Variants in TVP23B observed in about 807,000 individuals in gnomAD.
TVP23B encodes the protein Golgi apparatus membrane protein TVP23 homolog B.
TVP23B carries 10 observed loss-of-function variants against 30.6 expected under a neutral mutation model. The ratio of observed to expected loss-of-function variants is 0.33; its 90% CI spans 0.20 to 0.55. TVP23B has a LOEUF of 0.55. Among genes scored for constraint, TVP23B ranks in the 20% least tolerant of loss-of-function variants. The probability of loss-of-function intolerance (pLI) is 0.91; values close to 1 mark genes in which losing one functional copy is unlikely to be tolerated. For synonymous variants in TVP23B, 67 were observed against 83.1 expected (o/e 0.81, Z 1.06); for missense variants, 153 against 243.2 (o/e 0.63, Z 2.47).
intron 3 of TVP23B, among the ~76,000 whole-genome samples, 191 bp downstream of exon 3, chr17:18,791,231 A>G (rs1211333023): frequency 1.9e-4 from 25 of 132,462 alleles, no homozygotes; most frequent in African/African-American, 6.4e-4. Flanking sequence ...CCCTTTGACA[A>G]TACAAGATGA....
intron 3 of TVP23B, among the ~76,000 whole-genome samples, chr17:18,795,179 A>G (rs887823831): frequency 4.0e-5 from 6 of 151,638 alleles, no homozygotes; most frequent in Non-Finnish European, 7.4e-5. Flanking sequence ...GGCATGCACC[A>G]CCATGCCTAG....
chr17:18,782,814 G>C (rs1345533554), intron 1 of TVP23B, among the ~76,000 whole-genome samples: 2 of 151,852 alleles, frequency 1.3e-5, no homozygotes, highest in African/African-American at 4.8e-5. Flanking sequence ...TGGCCATCTT[G>C]GTCTTGGTGG....
intron 5 of TVP23B, among the ~76,000 whole-genome samples, chr17:18,802,064 T>A (rs183157247): frequency 2.4e-4 from 37 of 151,526 alleles, no homozygotes; most frequent in African/African-American, 8.8e-4. Flanking sequence ...CTACTAAAAA[T>A]ACAAAAAATT....
Position 18,798,805 on chromosome 17 carries a change from T to C in TVP23B, c.331-7T>C, listed in dbSNP as rs1243842906. On this transcript the variant is annotated splice_region_variant and splice_polypyrimidine_tract_variant and intron_variant, in intron 4 of 6. Transcript: ENST00000307767. ...AACATGATAATTGAATTTATGTTCTTTTATAGGAGTCCTCTCAAGAGAATA... is the reference window on the plus strand; with the variant it reads ...AACATGATAATTGAATTTATGTTCTCTTATAGGAGTCCTCTCAAGAGAATA... 6.3e-7 allele frequency: 1 copy of C among 1,598,986 alleles called. No homozygotes were observed. Among genetic ancestry groups the C allele is most frequent in the Non-Finnish European group, 8.5e-7 (1 of 1,175,884 alleles).
chr17:18,799,827 C>T (rs2036130440), intron 5 of TVP23B, among the ~76,000 whole-genome samples: 1 of 151,802 alleles, frequency 6.6e-6, no homozygotes, highest in Non-Finnish European at 1.5e-5. Context: ...TGTTTTTCCT[C>T]CTAATTTGTA....
chr17:18,802,341 C>T (rs1446701218), intron 5 of TVP23B, among the ~76,000 whole-genome samples: 8 of 152,238 alleles, frequency 5.3e-5, no homozygotes, highest in Non-Finnish European at 1.0e-4. Context: ...ATGATCATCT[C>T]TCATGATTAA....
chr17:18,785,869 G>A (rs1291442204), intron 1 of TVP23B, among the ~76,000 whole-genome samples: 1 of 152,088 alleles, frequency 6.6e-6, no homozygotes, highest in Non-Finnish European at 1.5e-5. Context: ...CAGGAGCTTA[G>A]GTACTGTATA....
At chr17:18,798,343 C>A (rs1167397426) in intron 4 of TVP23B, among the ~76,000 whole-genome samples, 1 of 151,868 alleles carries the variant, frequency 6.6e-6, no homozygotes, top group South Asian at 2.1e-4. Context: ...CAACTTACCA[C>A]CCTTGTAACT....
At chr17:18,802,657 A>T (rs1032014964) in intron 5 of TVP23B, among the ~76,000 whole-genome samples, 2 of 152,170 alleles carry the variant, frequency 1.3e-5, no homozygotes, top group Admixed American at 6.6e-5. Context: ...TTGTGTTTTT[A>T]AAAATGCTGT....
chr17:18,783,601 G>A (rs998278290), intron 1 of TVP23B, among the ~76,000 whole-genome samples: 203 of 152,158 alleles, frequency 1.3e-3, no homozygotes, highest in Non-Finnish European at 1.1e-3. Flanking sequence ...AATGGAAGCC[G>A]TCGGAAGACA....
At chr17:18,783,619 C>T (rs1195051445) in intron 1 of TVP23B, among the ~76,000 whole-genome samples, 1 of 152,310 alleles carries the variant, frequency 6.6e-6, no homozygotes, top group Middle Eastern at 3.4e-3. Flanking sequence ...ACAATTTTCA[C>T]ACTAGCTGCC....
At chr17:18,800,637 T>C in intron 5 of TVP23B, among the ~76,000 whole-genome samples, 1 of 152,104 alleles carries the variant, frequency 6.6e-6, no homozygotes, top group South Asian at 2.1e-4. Flanking sequence ...TAAGGTGTTT[T>C]TTTTTTTAGT....
At chr17:18,785,385 C>CTT (rs61537943) in intron 1 of TVP23B, among the ~76,000 whole-genome samples, 59,985 of 137,494 alleles carry the variant, frequency 0.44, 12,288 homozygotes, top group Non-Finnish European at 0.47. Flanking sequence ...AGCTATTTGT[C>CTT]TTTTTTTTTT....
chr17:18,790,533 AT>A (rs2035976641), intron 2 of TVP23B, among the ~76,000 whole-genome samples: 1 of 151,702 alleles, frequency 6.6e-6, no homozygotes, highest in Admixed American at 6.6e-5. Flanking sequence ...TGTCTGAGTG[AT>A]TTCTGAGGGC....
chr17:18,797,436 T>C, intron 3 of TVP23B, 143 bp from the exon 4 acceptor site: 1 of 1,447,220 alleles, frequency 6.9e-7, no homozygotes, highest in East Asian at 2.3e-5. Flanking sequence ...CCAGGCCTGA[T>C]ACATAGTAGT....
In TVP23B at chr17:18,790,903, G is replaced by A. The variant is rs767742179; in HGVS notation, c.103G>A (p.Val35Ile). The A allele has an allele frequency of 9.9e-6, 16 of 1,610,440 alleles. No individual in the cohort carries two copies. The highest frequency in any genetic ancestry group is 1.4e-5 in the Non-Finnish European group (16 of 1,179,046). Residue 35 changes from valine (V) to isoleucine (I), a missense_variant, in exon 3 of 7, where the codon GTA (valine) becomes ATA (isoleucine). This residue lies in a region of TVP23B where 38 missense variants were observed against 40.9 expected (regional missense o/e 0.93). Transcript: ENST00000307767. ...TTGTGTTTTGGTTTTCAGACATCCA[G>A]TAGCATCGTTTTTCCACTTATTCTT... ...RPRKAKIRHP[V>I]ASFFHLFFRV...
At chr17:18,793,394 T>C (rs1351594956) in intron 3 of TVP23B, among the ~76,000 whole-genome samples, 2 of 145,052 alleles carry the variant, frequency 1.4e-5, no homozygotes, top group African/African-American at 5.1e-5. Flanking sequence ...GATCATGAGG[T>C]CAGGAGATCG....
chr17:18,798,125 C>G (rs1486915582), intron 4 of TVP23B, among the ~76,000 whole-genome samples: 1 of 152,216 alleles, frequency 6.6e-6, no homozygotes, highest in Non-Finnish European at 1.5e-5. Flanking sequence ...AAGCTTCTGC[C>G]TTCAGGAGCC....
intron 5 of TVP23B, among the ~76,000 whole-genome samples, chr17:18,801,000 G>A (rs1020255254): frequency 6.6e-6 from 1 of 152,244 alleles, no homozygotes; most frequent in Non-Finnish European, 1.5e-5. Flanking sequence ...TAGAGCTTAT[G>A]TTCTAGTGGA....
Sources: gnomAD v4.1 joint callset for allele counts (sites outside exome capture counted in the v4.1 genomes callset) on GRCh38, gnomAD v4.1.1 for gene constraint, gnomAD v4.1.1 regional missense constraint, MANE v1.5 for transcripts, NCBI Gene and HGNC (gene_info 2026-07-23, HGNC 2026-07-21) for gene names.